The following TGFBRAP1 variants were observed in gnomAD, a reference collection of about 807,000 sequenced individuals.
TGFBRAP1 encodes transforming growth factor beta receptor associated protein 1.
In TGFBRAP1, 20 loss-of-function variants were observed where a neutral mutation model predicts 83.2. The ratio of observed to expected loss-of-function variants is 0.24; its 90% CI spans 0.17 to 0.35. TGFBRAP1 has a LOEUF of 0.35. TGFBRAP1 is among the 10% of genes least tolerant of loss of function. TGFBRAP1 has a pLI of 1.00. For synonymous variants in TGFBRAP1, 415 were observed against 459.8 expected, an observed-to-expected ratio of 0.90 and a Z score of 1.25; for missense variants, 950 against 1,099.4, an observed-to-expected ratio of 0.86 and a Z score of 1.92.
intron 1 of TGFBRAP1, among the ~76,000 whole-genome samples, chr2:105,327,895 G>C (rs930030781): frequency 6.6e-6 from 1 of 152,162 alleles, no homozygotes; most frequent in African/African-American, 2.4e-5. Context: ...TGCAAACCTT[G>C]ATGCACATAG....
chr2:105,282,773 C>CTA (rs1002151710), intron 5 of TGFBRAP1, among the ~76,000 whole-genome samples: 1 of 150,304 alleles, frequency 6.7e-6, no homozygotes, highest in Non-Finnish European at 1.5e-5. Flanking sequence ...CTGCGGTGAG[C>CTA]TATGATTGCA....
At chr2:105,280,312 TC>T in intron 6 of TGFBRAP1, 69 bp downstream of exon 6, 1 of 1,502,308 alleles carries the variant, frequency 6.7e-7, no homozygotes, top group Admixed American at 1.9e-5. Context: ...CACGAGGATC[TC>T]CCCAGCAAAG....
intron 1 of TGFBRAP1, among the ~76,000 whole-genome samples, chr2:105,311,151 A>AAAAAC (rs1678676599): frequency 6.9e-6 from 1 of 144,156 alleles, no homozygotes; most frequent in African/African-American, 2.5e-5. Context: ...GCTGTAAAAA[A>AAAAAC]AAAAAAAAAA....
chr2:105,286,237 G>C (rs1310752465), intron 4 of TGFBRAP1, among the ~76,000 whole-genome samples: 2 of 152,186 alleles, frequency 1.3e-5, no homozygotes, highest in African/African-American at 2.4e-5. Context: ...ATGCAAAGAG[G>C]TTCTTCATCC....
At chr2:105,300,237 T>A (rs183167452) in intron 2 of TGFBRAP1, among the ~76,000 whole-genome samples, 86 of 152,206 alleles carry the variant, frequency 5.7e-4, no homozygotes, top group Non-Finnish European at 1.0e-3. Flanking sequence ...TGTATATAGG[T>A]ACTGTGTGAT....
intron 2 of TGFBRAP1, among the ~76,000 whole-genome samples, chr2:105,302,424 G>C (rs1356625373): frequency 6.6e-6 from 1 of 152,024 alleles, no homozygotes; most frequent in Admixed American, 6.6e-5. Flanking sequence ...GACCCCAAAT[G>C]TCCATCAATA....
chr2:105,326,637 T>C (rs1315210928), intron 1 of TGFBRAP1, among the ~76,000 whole-genome samples: 2 of 152,102 alleles, frequency 1.3e-5, no homozygotes, highest in Admixed American at 1.3e-4. Flanking sequence ...AAGGATCACT[T>C]GAGCCTGGAA....
intron 4 of TGFBRAP1, 104 bp downstream of exon 4, chr2:105,296,252 T>C (rs1159341663): frequency 5.5e-5 from 75 of 1,360,786 alleles, no homozygotes; most frequent in Non-Finnish European, 7.1e-5. Flanking sequence ...AAAAGCAGTG[T>C]GTACAGCCCG....
intron 6 of TGFBRAP1, among the ~76,000 whole-genome samples, chr2:105,279,808 C>T (rs1244403036): frequency 5.9e-5 from 9 of 152,032 alleles, no homozygotes; most frequent in East Asian, 3.9e-4. Context: ...GAGGCCGAGG[C>T]GAGCAGACCA....
At chr2:105,290,816 C>T (rs1442068720) in intron 4 of TGFBRAP1, among the ~76,000 whole-genome samples, 1 of 152,052 alleles carries the variant, frequency 6.6e-6, no homozygotes, top group Non-Finnish European at 1.5e-5. Context: ...ACCAGCCTAG[C>T]CAACATGGTG....
chr2:105,306,981 G>T (rs778757889), intron 2 of TGFBRAP1, among the ~76,000 whole-genome samples: 4 of 152,150 alleles, frequency 2.6e-5, no homozygotes, highest in African/African-American at 9.7e-5. Context: ...ATCCAACACC[G>T]GCTGTACATG....
chr2:105,267,823 T>A, intron 11 of TGFBRAP1: 1 of 985,464 alleles, frequency 1.0e-6, no homozygotes, highest in Non-Finnish European at 1.2e-6. Flanking sequence ...CATTTCTACT[T>A]AAGATCCTCT....
intron 5 of TGFBRAP1, 36 bp downstream of exon 5, chr2:105,284,280 T>C: frequency 6.3e-7 from 1 of 1,594,304 alleles, no homozygotes; most frequent in African/African-American, 1.3e-5. Context: ...AGAGGGACAC[T>C]GTAGTGGCAG....
intron 8 of TGFBRAP1, 60 bp downstream of exon 8, chr2:105,275,500 T>C: frequency 6.3e-7 from 1 of 1,587,960 alleles, no homozygotes; most frequent in East Asian, 2.3e-5. Flanking sequence ...GCAAAGCTTT[T>C]GGGGTCTGTT....
intron 6 of TGFBRAP1, 68 bp downstream of exon 6, chr2:105,280,314 C>T: frequency 6.6e-7 from 1 of 1,516,564 alleles, no homozygotes; most frequent in East Asian, 2.3e-5. Context: ...CGAGGATCTC[C>T]CCAGCAAAGA....
the TGFBRAP1 span, among the ~76,000 whole-genome samples, chr2:105,254,193 T>C: frequency 2.0e-5 from 3 of 152,182 alleles, no homozygotes; most frequent in African/African-American, 7.2e-5. Context: ...TCTGGTGCCA[T>C]AATAAAATCG....
the TGFBRAP1 span, among the ~76,000 whole-genome samples, chr2:105,259,280 G>A: frequency 5.9e-5 from 9 of 152,266 alleles, no homozygotes; most frequent in Admixed American, 6.5e-5. Context: ...GCTGCGCCCC[G>A]ACTGATACAC....
chr2:105,268,418 T>A (rs893438779), intron 11 of TGFBRAP1, among the ~76,000 whole-genome samples: 1 of 152,168 alleles, frequency 6.6e-6, no homozygotes, highest in Admixed American at 6.5e-5. Context: ...TTAAGAGGTA[T>A]GAGATGGCTT....
intron 1 of TGFBRAP1, chr2:105,324,950 T>C (rs1209427301): frequency 6.6e-6 from 1 of 152,266 alleles, no homozygotes; most frequent in Non-Finnish European, 1.5e-5. Flanking sequence ...TGCTTGTTGC[T>C]TGGTCACTTC....
Sources: gnomAD v4.1 joint callset for allele counts (sites outside exome capture counted in the v4.1 genomes callset) on GRCh38, gnomAD v4.1.1 for gene constraint, MANE v1.5 for transcripts, NCBI Gene and HGNC (gene_info 2026-07-23, HGNC 2026-07-21) for gene names.